SYN3: variants seen among roughly 807,000 people sequenced by gnomAD.
SYN3 encodes the protein synapsin-3.
SYN3 carries 35 observed loss-of-function variants against 65.8 expected under a neutral mutation model. The observed-to-expected ratio is 0.53, with a 90% CI of 0.41 to 0.70. The LOEUF (loss-of-function observed/expected upper bound fraction) is 0.70, where lower values mean the gene tolerates loss of function less well. Among genes scored for constraint, SYN3 ranks in the 30% least tolerant of loss-of-function variants. SYN3 has a pLI of 0.00. For missense variants in SYN3, 680 were observed against 749.0 expected (o/e 0.91, Z 1.08); for synonymous variants, 270 against 292.9 (o/e 0.92, Z 0.80).
chr22:32,657,185 G>A (rs2060153351), intron 6 of SYN3, among the ~76,000 whole-genome samples: 3 of 151,562 alleles, frequency 2.0e-5, no homozygotes, highest in Admixed American at 6.6e-5. Flanking sequence ...GTGCAGTGGC[G>A]CGATCTTGGC....
intron 3 of SYN3, among the ~76,000 whole-genome samples, chr22:32,935,550 A>C (rs1330492034): frequency 6.6e-6 from 1 of 150,910 alleles, no homozygotes; most frequent in Non-Finnish European, 1.5e-5. Flanking sequence ...TCCCAGGTTC[A>C]AGCAATTCTC....
intron 1 of SYN3, among the ~76,000 whole-genome samples, chr22:33,055,232 T>C (rs965630451): frequency 4.6e-5 from 7 of 152,244 alleles, no homozygotes; most frequent in Admixed American, 4.6e-4. Context: ...AATCCTTCAA[T>C]GATTCGTTTG....
intron 3 of SYN3, among the ~76,000 whole-genome samples, chr22:32,965,929 T>C (rs555850941): frequency 7.9e-5 from 12 of 152,184 alleles, no homozygotes; most frequent in South Asian, 2.1e-4. Context: ...CTCCTGACCT[T>C]GTGATCTGCC....
At chr22:32,762,898 C>T (rs1041653712) in intron 6 of SYN3, among the ~76,000 whole-genome samples, 1 of 151,984 alleles carries the variant, frequency 6.6e-6, no homozygotes, top group Non-Finnish European at 1.5e-5. Flanking sequence ...AGCCAGAAAG[C>T]ATGAGTCAAA....
intron 6 of SYN3, among the ~76,000 whole-genome samples, chr22:32,817,862 T>G (rs60464432): frequency 0.018 from 2,777 of 152,278 alleles, 77 homozygotes; most frequent in African/African-American, 0.063. Context: ...GACATACCGG[T>G]GCAACCCCAC....
intron 6 of SYN3, among the ~76,000 whole-genome samples, chr22:32,707,882 C>T (rs2060901606): frequency 6.6e-6 from 1 of 152,186 alleles, no homozygotes; most frequent in African/African-American, 2.4e-5. Flanking sequence ...GTCTCCTCAA[C>T]TGCAAAATGG....
chr22:32,878,651 C>T (rs1165167192), intron 4 of SYN3, among the ~76,000 whole-genome samples: 1 of 152,226 alleles, frequency 6.6e-6, no homozygotes, highest in African/African-American at 2.4e-5. Context: ...ATATAAAGCA[C>T]ATAAGAATAT....
Position 32,508,216 on chromosome 22 carries a change from T to G in SYN3, c.*5476A>C, listed in dbSNP as rs1311676065. Among the ~76,000 whole-genome samples, 1 of 152,132 alleles carries G rather than the reference T, an allele frequency of 6.6e-6. No individual in the cohort carries two copies. The highest frequency in any genetic ancestry group is 2.4e-5 in the African/African-American group (1 of 41,432). On this transcript the variant is annotated 3_prime_UTR_variant, in exon 14 of 14. Coordinates refer to ENST00000358763, the MANE Select transcript of SYN3 (RefSeq NM_003490.4). ...ACTGATGACATTCCACCATTGTGAT[T>G]TGTTCCTGCCCCACCTTAACTGAGT...
intron 2 of SYN3, among the ~76,000 whole-genome samples, chr22:32,996,769 C>T (rs1364935815): frequency 1.3e-5 from 2 of 152,186 alleles, no homozygotes; most frequent in South Asian, 2.1e-4. Context: ...AACCTGAACT[C>T]GTAAGTATGT....
At chr22:32,881,536 G>T (rs1378654850) in intron 4 of SYN3, among the ~76,000 whole-genome samples, 10 of 152,136 alleles carry the variant, frequency 6.6e-5, no homozygotes, top group Non-Finnish European at 1.5e-5. Flanking sequence ...AAACGCTCCT[G>T]CCTGGGCCAC....
chr22:32,571,872 T>C (rs1476832923), intron 7 of SYN3, among the ~76,000 whole-genome samples: 1 of 151,822 alleles, frequency 6.6e-6, no homozygotes, highest in African/African-American at 2.4e-5. Flanking sequence ...TGGCACTGGG[T>C]AGGGGTTTAG....
rs1569003336 is a variant in SYN3, at chr22:32,525,627, A to ACT, written c.1318+2290_1318+2291insAG. Among the ~76,000 whole-genome samples, 196 of 151,766 alleles carry ACT rather than the reference A, an allele frequency of 1.3e-3. 3 individuals carry two copies. Among genetic ancestry groups the ACT allele is most frequent in the African/African-American group, 4.4e-3 (182 of 41,362 alleles). ...CGGGAGGCTGAGGCAGGAGAATGGC[A>ACT]TGAACCCGGGAAAGCGGAGTTTGCA... On this transcript the variant is annotated intron_variant, in intron 12 of 13. Transcript: ENST00000358763.
At chr22:32,914,851 G>A (rs567831736) in intron 4 of SYN3, among the ~76,000 whole-genome samples, 1 of 152,100 alleles carries the variant, frequency 6.6e-6, no homozygotes, top group Non-Finnish European at 1.5e-5. Flanking sequence ...AACAAAGGAA[G>A]GCTATAGAGA....
intron 6 of SYN3, chr22:32,859,237 A>T: frequency 6.2e-7 from 1 of 1,614,158 alleles, no homozygotes. Context: ...GTGTCTCTGG[A>T]CCGACATGCT....
At chr22:32,564,229 A>G (rs554043476) in intron 7 of SYN3, among the ~76,000 whole-genome samples, 1 of 152,154 alleles carries the variant, frequency 6.6e-6, no homozygotes, top group East Asian at 1.9e-4. Flanking sequence ...TGATAGAACC[A>G]TTTGCCGGCC....
At chr22:32,577,151 G>C (rs1040857962) in intron 7 of SYN3, among the ~76,000 whole-genome samples, 4 of 152,172 alleles carry the variant, frequency 2.6e-5, no homozygotes, top group Non-Finnish European at 5.9e-5. Flanking sequence ...CTTCCCGGGT[G>C]CTTCGAATGC....
intron 6 of SYN3, among the ~76,000 whole-genome samples, chr22:32,723,812 G>A (rs537098284): frequency 3.3e-5 from 5 of 152,342 alleles, no homozygotes; most frequent in South Asian, 2.1e-4. Context: ...TGCCGCTGCC[G>A]GCTGCCGCCT....
At chr22:32,829,912 G>C (rs924154149) in intron 6 of SYN3, among the ~76,000 whole-genome samples, 10 of 152,222 alleles carry the variant, frequency 6.6e-5, no homozygotes, top group African/African-American at 2.4e-4. Context: ...TGAGAAATGA[G>C]CATTTTCCAG....
chr22:32,710,906 G>A (rs1193114168), intron 6 of SYN3, among the ~76,000 whole-genome samples: 1 of 151,810 alleles, frequency 6.6e-6, no homozygotes, highest in Non-Finnish European at 1.5e-5. Context: ...ACTAATACAC[G>A]CCCCCCATGA....
Sources: gnomAD v4.1 joint callset for allele counts (sites outside exome capture counted in the v4.1 genomes callset) on GRCh38, gnomAD v4.1.1 for gene constraint, MANE v1.5 for transcripts, NCBI Gene and HGNC (gene_info 2026-07-23, HGNC 2026-07-21) for gene names.